The following MYLIP variants were observed in gnomAD, a reference collection of about 807,000 sequenced individuals.
MYLIP encodes the protein E3 ubiquitin-protein ligase MYLIP.
A neutral mutation model predicts 45.8 loss-of-function variants in MYLIP; 26 were observed. The observed-to-expected ratio is 0.57, with a 90% CI of 0.42 to 0.79. The LOEUF (loss-of-function observed/expected upper bound fraction) is 0.79, where lower values mean the gene tolerates loss of function less well. MYLIP is among the 30% of genes least tolerant of loss of function. The probability of loss-of-function intolerance (pLI) is 0.00; values close to 1 mark genes in which losing one functional copy is unlikely to be tolerated. For missense variants in MYLIP, 494 were observed against 555.6 expected, an observed-to-expected ratio of 0.89 and a Z score of 1.11; for synonymous variants, 213 against 218.1, an observed-to-expected ratio of 0.98 and a Z score of 0.21.
intron 5 of MYLIP, 73 bp downstream of exon 5, chr6:16,143,936 G>T (rs572389874): frequency 6.6e-7 from 1 of 1,505,420 alleles, no homozygotes; most frequent in Non-Finnish European, 9.0e-7. Context: ...AGGTTTCTAC[G>T]GTTCCTTGGA....
At chr6:16,157,465 G>T in the MYLIP span, among the ~76,000 whole-genome samples, 16 of 152,316 alleles carry the variant, frequency 1.1e-4, no homozygotes, top group African/African-American at 2.9e-4. Context: ...CTTCCAGAAA[G>T]TATAAAAATT....
At chr6:16,150,065 T>G (rs1190319449), downstream of MYLIP, among the ~76,000 whole-genome samples, 15 of 152,140 alleles carry the variant, frequency 9.9e-5, no homozygotes, top group Admixed American at 8.5e-4. Context: ...TTTGAAGACA[T>G]GACAACTTAG....
chr6:16,162,785 TAAAA>T, the MYLIP span, among the ~76,000 whole-genome samples: 3 of 69,608 alleles, frequency 4.3e-5, no homozygotes, highest in Admixed American at 1.6e-4. Flanking sequence ...ACCTCAACTC[TAAAA>T]AAAAAAAAAA....
chr6:16,159,530 T>C, the MYLIP span, among the ~76,000 whole-genome samples: 1 of 152,322 alleles, frequency 6.6e-6, no homozygotes, highest in African/African-American at 2.4e-5. Flanking sequence ...TTATCTTATT[T>C]TACTAGATTC....
At chr6:16,156,084 A>G in the MYLIP span, among the ~76,000 whole-genome samples, 2 of 152,198 alleles carry the variant, frequency 1.3e-5, no homozygotes, top group African/African-American at 4.8e-5. Flanking sequence ...TCTGAAGTCA[A>G]GCCTATCCCT....
chr6:16,157,696 C>T, the MYLIP span, among the ~76,000 whole-genome samples: 1 of 152,250 alleles, frequency 6.6e-6, no homozygotes, highest in South Asian at 2.1e-4. Flanking sequence ...TACATCTCCT[C>T]TGCTTTGAAC....
At chr6:16,150,308 CAT>C (rs1428873523), downstream of MYLIP, among the ~76,000 whole-genome samples, 4 of 152,118 alleles carry the variant, frequency 2.6e-5, no homozygotes, top group South Asian at 4.1e-4. Flanking sequence ...AAAGCCATAA[CAT>C]GTGGCAGTAT....
At chr6:16,157,418 A>G in the MYLIP span, among the ~76,000 whole-genome samples, 2 of 152,250 alleles carry the variant, frequency 1.3e-5, no homozygotes, top group East Asian at 3.8e-4. Context: ...CTGGCTTACT[A>G]TACATTTACT....
intron 2 of MYLIP, among the ~76,000 whole-genome samples, chr6:16,132,090 A>G (rs1294201236): frequency 6.6e-6 from 1 of 152,212 alleles, no homozygotes; most frequent in Non-Finnish European, 1.5e-5. Context: ...TTCATTGTGT[A>G]GTCCTATTAT....
intron 2 of MYLIP, among the ~76,000 whole-genome samples, chr6:16,133,896 T>G (rs561570341): frequency 6.6e-6 from 1 of 152,302 alleles, no homozygotes; most frequent in South Asian, 2.1e-4. Flanking sequence ...AGACTAAATG[T>G]TCACAGAAAT....
intron 2 of MYLIP, among the ~76,000 whole-genome samples, chr6:16,140,223 G>A (rs1168355661): frequency 1.3e-5 from 2 of 152,226 alleles, no homozygotes; most frequent in Non-Finnish European, 2.9e-5. Context: ...TCGAAGGAAG[G>A]TTAAAACTTC....
the MYLIP span, among the ~76,000 whole-genome samples, chr6:16,158,061 G>C: frequency 6.6e-6 from 1 of 152,210 alleles, no homozygotes; most frequent in Admixed American, 6.5e-5. Flanking sequence ...GATCCTCTTT[G>C]ACATGTGCTC....
At chr6:16,132,598 A>G (rs1446043990) in intron 2 of MYLIP, among the ~76,000 whole-genome samples, 2 of 152,340 alleles carry the variant, frequency 1.3e-5, no homozygotes, top group East Asian at 3.9e-4. Context: ...GGTTGGCTGA[A>G]ATACATAACT....
At chr6:16,141,267 G>T (rs184160695) in intron 2 of MYLIP, among the ~76,000 whole-genome samples, 2 of 152,122 alleles carry the variant, frequency 1.3e-5, no homozygotes, top group African/African-American at 4.8e-5. Context: ...AGTTCCTTAA[G>T]ATTCTATCAG....
chr6:16,139,906 C>A (rs1368043786), intron 2 of MYLIP, among the ~76,000 whole-genome samples: 1 of 152,148 alleles, frequency 6.6e-6, no homozygotes, highest in East Asian at 1.9e-4. Flanking sequence ...TTAAATATTT[C>A]TTTATCATTA....
chr6:16,145,895 T>A (rs1759780452), intron 6 of MYLIP, among the ~76,000 whole-genome samples: 1 of 152,242 alleles, frequency 6.6e-6, no homozygotes, highest in South Asian at 2.1e-4. Context: ...TCTTCCTTTC[T>A]TGCATGAAGA....
At chr6:16,153,344 G>T in the MYLIP span, among the ~76,000 whole-genome samples, 1 of 152,174 alleles carries the variant, frequency 6.6e-6, no homozygotes, top group African/African-American at 2.4e-5. Context: ...TAAATGGTTA[G>T]AACATGCTGC....
rs1049990331 is a variant in MYLIP, at chr6:16,129,529, C to CG, written c.87+126dup. 46 of 960,670 alleles carry CG rather than the reference C, an allele frequency of 4.8e-5. No individual in the cohort carries two copies. Among genetic ancestry groups the CG allele is most frequent in the Non-Finnish European group, 6.2e-5 (41 of 665,262 alleles). The allele number at this position is 960,670 out of a possible 1,614,324, so 59.5% of individuals were successfully genotyped here. On this transcript the variant is annotated intron_variant, in intron 1 of 6. Transcript: ENST00000356840. The surrounding 1 kb of genome is among the most constrained non-coding windows in gnomAD (Gnocchi z 5.1). The stretch of plus-strand genomic sequence containing the variant: ...GGCCGGGAGGCACTGCGGCGGCAGC[C>CG]GGGGGGAGCGCGTCCCCTCCTCTCC...
chr6:16,134,016 C>T (rs6920309), intron 2 of MYLIP, among the ~76,000 whole-genome samples: 95,711 of 152,020 alleles, frequency 0.63, 33,009 homozygotes, highest in East Asian at 0.96. Context: ...TGACCTCAGC[C>T]CCATCCTCAG....
Sources: gnomAD v4.1 joint callset for allele counts (sites outside exome capture counted in the v4.1 genomes callset) on GRCh38, gnomAD v4.1.1 for gene constraint, Gnocchi (gnomAD v3.1) non-coding constraint, MANE v1.5 for transcripts, NCBI Gene and HGNC (gene_info 2026-07-23, HGNC 2026-07-21) for gene names.